CDC42BPB: variants seen among roughly 807,000 people sequenced by gnomAD.
The protein encoded by CDC42BPB is CDC42 binding protein kinase beta, also known as serine/threonine-protein kinase MRCK beta.
A neutral mutation model predicts 214.9 loss-of-function variants in CDC42BPB; 37 were observed. That is an observed-to-expected ratio of 0.17 (90% CI 0.13 to 0.23). CDC42BPB has a LOEUF of 0.23. Ranked by LOEUF, CDC42BPB falls within the 10% of genes least tolerant of loss-of-function variation. CDC42BPB has a pLI of 1.00. For missense variants in CDC42BPB, 1,694 were observed against 2,227.0 expected, an observed-to-expected ratio of 0.76 and a Z score of 4.82; for synonymous variants, 931 against 884.0, an observed-to-expected ratio of 1.05 and a Z score of -0.94.
At position 102,981,910 on chromosome 14, in the gene CDC42BPB, C is replaced by T. The variant is rs35096476; in HGVS notation, c.892-889G>A. On this transcript the variant is annotated intron_variant, in intron 7 of 36. Coordinates refer to ENST00000361246, the MANE Select transcript of CDC42BPB (RefSeq NM_006035.4). ...ACGTATCTAAACACACACATGCGCACGCACACACACGAGCTGAGGTCTGCC... is the reference window on the plus strand; with the variant it reads ...ACGTATCTAAACACACACATGCGCATGCACACACACGAGCTGAGGTCTGCC... 1.2e-4 allele frequency among the ~76,000 whole-genome samples: 19 copies of T among 152,320 alleles called. No homozygotes were observed. In the East Asian group the frequency reaches 2.9e-3, roughly 23 times the overall value.
rs375871376 is a variant in CDC42BPB, at chr14:103,001,747, C to G, written c.448-2034G>C. 6.6e-6 allele frequency among the ~76,000 whole-genome samples: 1 copy of G among 152,162 alleles called. No individual in the cohort carries two copies. The highest frequency in any genetic ancestry group is 1.5e-5 in the Non-Finnish European group (1 of 68,030). ...ACGGGGCCAGGGGAGATGCGGTGAACGAACGGCCAGGCCCTCGGGCCCCTA... is the reference window on the plus strand; with the variant it reads ...ACGGGGCCAGGGGAGATGCGGTGAAGGAACGGCCAGGCCCTCGGGCCCCTA... On this transcript the variant is annotated intron_variant, in intron 4 of 36. Transcript: ENST00000361246. This position sits in a 1 kb window ranked among gnomAD's most constrained non-coding sequence, Gnocchi z 5.8.
chr14:103,044,423 G>A (rs1450228620), intron 1 of CDC42BPB, among the ~76,000 whole-genome samples: 1 of 147,126 alleles, frequency 6.8e-6, no homozygotes, highest in African/African-American at 2.5e-5. Flanking sequence ...AGGCTCGAGT[G>A]CACTGGTGCA....
chr14:102,946,719 C>A, intron 27 of CDC42BPB, 35 bp from the exon 28 acceptor site: 1 of 1,608,008 alleles, frequency 6.2e-7, no homozygotes, highest in South Asian at 1.1e-5. Flanking sequence ...AGAGAGAAGT[C>A]ATCAAACGCC....
At chr14:102,973,888 T>G in intron 12 of CDC42BPB, 128 bp downstream of exon 12, 1 of 1,194,474 alleles carries the variant, frequency 8.4e-7, no homozygotes, top group Non-Finnish European at 1.2e-6. Context: ...GGCCCTGGCG[T>G]CCTGCATGCA....
intron 36 of CDC42BPB, 32 bp downstream of exon 36, chr14:102,938,072 T>A: frequency 6.2e-7 from 1 of 1,610,296 alleles, no homozygotes; most frequent in Non-Finnish European, 8.5e-7. Flanking sequence ...TGGTGGCTCA[T>A]AGCCTCAGCA....
At chr14:102,954,926 G>T in intron 21 of CDC42BPB, 1 of 400,542 alleles carries the variant, frequency 2.5e-6, no homozygotes, top group Non-Finnish European at 3.4e-6. Flanking sequence ...TGGTGATTGC[G>T]TGGGCAGGTG....
intron 3 of CDC42BPB, among the ~76,000 whole-genome samples, chr14:103,006,093 A>G (rs957737514): frequency 6.6e-6 from 1 of 151,992 alleles, no homozygotes; most frequent in Admixed American, 6.5e-5. Context: ...AGCGGTCAAC[A>G]TTCAGCTTGC....
chr14:103,032,630 CTTTTTT>C (rs35712321), intron 1 of CDC42BPB, among the ~76,000 whole-genome samples: 1 of 109,014 alleles, frequency 9.2e-6, no homozygotes, highest in Non-Finnish European at 1.8e-5. Context: ...AACAAATCCA[CTTTTTT>C]TTTTTTTTTT....
At chr14:103,034,148 T>C (rs935128754) in intron 1 of CDC42BPB, among the ~76,000 whole-genome samples, 1 of 152,338 alleles carries the variant, frequency 6.6e-6, no homozygotes, top group Middle Eastern at 3.4e-3. Flanking sequence ...TAAGTCTTCC[T>C]TTCCAATGTG....
intron 5 of CDC42BPB, among the ~76,000 whole-genome samples, chr14:102,996,200 C>G (rs569375814): frequency 3.9e-5 from 6 of 151,938 alleles, no homozygotes; most frequent in Non-Finnish European, 5.9e-5. Flanking sequence ...ATTAGCTGGG[C>G]GTGGTGGTGG....
rs771104569 is a variant in CDC42BPB at position 103,057,042 on chromosome 14, C to T, written c.132G>A (p.Ser44=). The T allele has an allele frequency of 1.2e-5, 18 of 1,516,886 alleles. 1 individual carries two copies. In the South Asian group the frequency reaches 2.2e-4, roughly 19 times the overall value. 94.0% of individuals were successfully genotyped at this position (1,516,886 alleles called of 1,614,324 possible). A position where few individuals can be genotyped will look rare whatever the true frequency, so the allele number is the denominator to read the frequency against. The stretch of plus-strand genomic sequence containing the variant: ...CCACGTACTTGTCGCGGCGCAGGGC[C>T]GAGTGGCTGCACTCGGTGTACAGGC... ...LVCLYTECSH[S]ALRRDKYVAE... Residue 44 remains serine (S), a synonymous_variant, in exon 1 of 37, where the codon TCG becomes TCA. Coordinates refer to ENST00000361246, the MANE Select transcript of CDC42BPB (RefSeq NM_006035.4).
At chr14:103,052,682 G>A (rs776837259) in intron 1 of CDC42BPB, among the ~76,000 whole-genome samples, 12 of 152,112 alleles carry the variant, frequency 7.9e-5, no homozygotes, top group Non-Finnish European at 1.5e-4. Context: ...AGCACATCTC[G>A]AGAGAAGATG....
At chr14:103,040,562 G>A (rs1262493692) in intron 1 of CDC42BPB, among the ~76,000 whole-genome samples, 10 of 151,992 alleles carry the variant, frequency 6.6e-5, no homozygotes, top group South Asian at 2.1e-4. Flanking sequence ...GGGTTCAGGC[G>A]ATTCTTTCAC....
At chr14:102,961,316 A>C (rs558175802) in intron 20 of CDC42BPB, among the ~76,000 whole-genome samples, 2 of 152,300 alleles carry the variant, frequency 1.3e-5, no homozygotes, top group African/African-American at 4.8e-5. Flanking sequence ...TTGACACACA[A>C]AAAATTTTGA....
At chr14:102,996,967 G>A (rs1278527451) in intron 5 of CDC42BPB, among the ~76,000 whole-genome samples, 1 of 152,196 alleles carries the variant, frequency 6.6e-6, no homozygotes, top group Non-Finnish European at 1.5e-5. Flanking sequence ...CCTGTGTGCT[G>A]GGAGGTGCGA....
chr14:102,954,196 A>G lies in CDC42BPB; in HGVS notation c.3066+2T>C. The stretch of plus-strand genomic sequence containing the variant: ...CGCCCCGGGTGAAAGCAAGGCCCCT[A>G]CCTTCGGTCCAGCCAGAGCCAGGGC... On this transcript the variant is annotated splice_donor_variant, in intron 23 of 36. Coordinates refer to ENST00000361246, the MANE Select transcript of CDC42BPB (RefSeq NM_006035.4). LOFTEE classifies it high-confidence loss of function. 1 of 1,546,388 alleles carries G rather than the reference A, an allele frequency of 6.5e-7. No individual in the cohort carries two copies. The highest frequency in any genetic ancestry group is 8.7e-7 in the Non-Finnish European group (1 of 1,143,390).
At chr14:103,049,234 C>T (rs1386030614) in intron 1 of CDC42BPB, among the ~76,000 whole-genome samples, 1 of 152,188 alleles carries the variant, frequency 6.6e-6, no homozygotes, top group Non-Finnish European at 1.5e-5. Flanking sequence ...GCAGGCATTG[C>T]TAAGCACCCA....
Position 102,938,090 on chromosome 14 carries a change from T to TGGGCAAGTGG in CDC42BPB, c.5004+13_5004+14insCCACTTGCCC. The TGGGCAAGTGG allele has an allele frequency of 6.2e-7, 1 of 1,613,526 alleles. No individual in the cohort carries two copies. Among genetic ancestry groups the TGGGCAAGTGG allele is most frequent in the Non-Finnish European group, 8.5e-7 (1 of 1,179,722 alleles). ...TGGCTCATAGCCTCAGCACTGGACC[T>TGGGCAAGTGG]GGGCAAGTCTCACCTCTTTGTCAAA... On this transcript the variant is annotated intron_variant, in intron 36 of 36. Coordinates refer to ENST00000361246, the MANE Select transcript of CDC42BPB (RefSeq NM_006035.4).
chr14:102,989,651 T>A (rs1009206571), intron 5 of CDC42BPB, among the ~76,000 whole-genome samples: 1 of 152,062 alleles, frequency 6.6e-6, no homozygotes, highest in Non-Finnish European at 1.5e-5. Context: ...GGTGGAAGGA[T>A]CGCCTGAGGT....
Sources: gnomAD v4.1 joint callset for allele counts (sites outside exome capture counted in the v4.1 genomes callset) on GRCh38, gnomAD v4.1.1 for gene constraint, Gnocchi (gnomAD v3.1) non-coding constraint, MANE v1.5 for transcripts, NCBI Gene and HGNC (gene_info 2026-07-23, HGNC 2026-07-21) for gene names.